Variants in SAMD12 observed in about 807,000 individuals in gnomAD.
SAMD12 encodes the protein sterile alpha motif domain-containing protein 12.
A neutral mutation model predicts 15.0 loss-of-function variants in SAMD12; 9 were observed. The ratio of observed to expected loss-of-function variants is 0.60; its 90% CI spans 0.36 to 1.05. The LOEUF is 1.05. SAMD12 is among the 50% of genes least tolerant of loss of function. SAMD12 has a pLI of 0.01. For synonymous variants in SAMD12, 86 were observed against 90.1 expected (o/e 0.96, Z 0.25); for missense variants, 230 against 234.2 (o/e 0.98, Z 0.12).
exon 5 of SAMD12, chr8:118,189,762 T>C (rs781574333): frequency 2.0e-5 from 3 of 151,488 alleles, no homozygotes; most frequent in Non-Finnish European, 2.9e-5. Flanking sequence ...TGGAAATCGG[T>C]GGTTCAAAAT....
Position 118,379,354 on chromosome 8 carries a change from T to C in SAMD12, c.*63A>G. The C allele has an allele frequency of 6.4e-7, 1 of 1,560,326 alleles. No homozygotes were observed. On this transcript the variant is annotated 3_prime_UTR_variant, in exon 4 of 4. Coordinates refer to ENST00000314727, the MANE Select transcript of SAMD12 (RefSeq NM_207506.3). ...TCAGGTAATTCTGTTTGCTCATCCA[T>C]TACTTATTTGTGCATCCTTCTCCCT...
At chr8:118,541,612 G>A (rs1415783677) in intron 2 of SAMD12, among the ~76,000 whole-genome samples, 2 of 152,104 alleles carry the variant, frequency 1.3e-5, no homozygotes, top group African/African-American at 4.8e-5. Context: ...AGCGGGAAGA[G>A]GCAGAATTTG....
In SAMD12 at chr8:118,590,318, C is replaced by A. The variant is rs561997421; in HGVS notation, c.14-9425G>T. Among the ~76,000 whole-genome samples, 8 of 152,312 alleles carry A rather than the reference C, an allele frequency of 5.3e-5. 1 individual carries two copies. The South Asian group carries it at 1.7e-3, about 32-fold the overall frequency. On this transcript the variant is annotated intron_variant, in intron 1 of 3. Transcript: ENST00000314727. The stretch of plus-strand genomic sequence containing the variant: ...CTCACCAGGCTGCACTTAGGTACCC[C>A]AATACTCCCAGGAGAATGCCATAGA...
At chr8:118,173,119 A>G in the SAMD12 span, among the ~76,000 whole-genome samples, 1 of 152,204 alleles carries the variant, frequency 6.6e-6, no homozygotes, top group Non-Finnish European at 1.5e-5. Context: ...TTCCTGTTGG[A>G]CAAGTGGTAC....
chr8:118,208,987 G>T (rs551749715), intron 4 of SAMD12, among the ~76,000 whole-genome samples: 1 of 152,246 alleles, frequency 6.6e-6, no homozygotes, highest in South Asian at 2.1e-4. Flanking sequence ...ATTAGAAAAG[G>T]CTTCATAAAC....
chr8:118,471,336 G>C (rs1823787880), intron 2 of SAMD12, among the ~76,000 whole-genome samples: 1 of 152,122 alleles, frequency 6.6e-6, no homozygotes, highest in African/African-American at 2.4e-5. Context: ...CAGTTGTAAG[G>C]ACTTTTAGCA....
At chr8:118,354,796 T>C (rs992543582) in intron 4 of SAMD12, among the ~76,000 whole-genome samples, 2 of 152,224 alleles carry the variant, frequency 1.3e-5, no homozygotes, top group Non-Finnish European at 2.9e-5. Flanking sequence ...TATCCTTGTA[T>C]TGTCCTCCAG....
chr8:118,397,942 T>G (rs1270100941), intron 3 of SAMD12, among the ~76,000 whole-genome samples: 1 of 152,100 alleles, frequency 6.6e-6, no homozygotes, highest in Non-Finnish European at 1.5e-5. Context: ...TCAGCACATA[T>G]CACCATGCCT....
chr8:118,610,536 G>A (rs1192595537), intron 1 of SAMD12, among the ~76,000 whole-genome samples: 1 of 152,210 alleles, frequency 6.6e-6, no homozygotes, highest in Non-Finnish European at 1.5e-5. Context: ...TTAGGTGGGA[G>A]AAAAACTCAT....
intron 2 of SAMD12, among the ~76,000 whole-genome samples, chr8:118,548,208 A>G (rs1282323016): frequency 6.6e-6 from 1 of 152,192 alleles, no homozygotes; most frequent in Non-Finnish European, 1.5e-5. Context: ...CAACAGACAA[A>G]AGCTGTAACA....
At chr8:118,544,018 C>T (rs60812036) in intron 2 of SAMD12, among the ~76,000 whole-genome samples, 4,038 of 152,216 alleles carry the variant, frequency 0.027, 177 homozygotes, top group African/African-American at 0.091. Context: ...TATAAGCTCT[C>T]GGGTCTGGTG....
intron 1 of SAMD12, among the ~76,000 whole-genome samples, chr8:118,611,577 C>G (rs916166566): frequency 1.3e-5 from 2 of 152,132 alleles, no homozygotes; most frequent in Non-Finnish European, 2.9e-5. Flanking sequence ...AAACAAACTT[C>G]CAACAAAATC....
chr8:118,445,780 T>C (rs1383971302), intron 2 of SAMD12, among the ~76,000 whole-genome samples: 2 of 152,172 alleles, frequency 1.3e-5, no homozygotes, highest in African/African-American at 4.8e-5. Context: ...TCTCTTCTGA[T>C]AGTATAAGAG....
At chr8:118,612,671 G>A (rs1036905968) in intron 1 of SAMD12, among the ~76,000 whole-genome samples, 1 of 152,144 alleles carries the variant, frequency 6.6e-6, no homozygotes, top group African/African-American at 2.4e-5. Flanking sequence ...TTCTAATACA[G>A]GTAAAACATA....
At chr8:118,563,586 A>G (rs1410054333) in intron 2 of SAMD12, among the ~76,000 whole-genome samples, 4 of 152,166 alleles carry the variant, frequency 2.6e-5, no homozygotes, top group Non-Finnish European at 5.9e-5. Flanking sequence ...CAAACAAAGC[A>G]TTTCCCTCAT....
intron 4 of SAMD12, among the ~76,000 whole-genome samples, chr8:118,355,317 A>G (rs755567931): frequency 1.3e-5 from 2 of 152,238 alleles, no homozygotes; most frequent in Non-Finnish European, 2.9e-5. Context: ...GTTCTCACTC[A>G]TAAGTGGGAG....
In SAMD12 at chr8:118,348,574, G is replaced by A. The variant is rs1047206360; in HGVS notation, c.433+30986C>T. On this transcript the variant is annotated intron_variant, in intron 4 of 4. Coordinates refer to the SAMD12 transcript ENST00000409003. ...TTTTTAGTAGAGACGGGGTTTCACC[G>A]TGTTCGCTAGGATGGTCTTGATCTC... 5.9e-5 allele frequency among the ~76,000 whole-genome samples: 9 copies of A among 152,042 alleles called. No individual in the cohort carries two copies. The East Asian group carries it at 7.7e-4, about 13-fold the overall frequency.
At chr8:118,464,972 G>A (rs987154828) in intron 2 of SAMD12, among the ~76,000 whole-genome samples, 4 of 152,202 alleles carry the variant, frequency 2.6e-5, no homozygotes, top group East Asian at 3.8e-4. Flanking sequence ...TCTTTGTGGA[G>A]TTGAAGCAGA....
At chr8:118,601,810 G>T (rs1586849198) in intron 1 of SAMD12, among the ~76,000 whole-genome samples, 1 of 152,290 alleles carries the variant, frequency 6.6e-6, no homozygotes, top group East Asian at 1.9e-4. Context: ...ATGAAGAACT[G>T]ATGGGTAGAA....
Sources: allele counts gnomAD v4.1 joint callset (sites outside exome capture counted in the v4.1 genomes callset), GRCh38; gene constraint gnomAD v4.1.1; transcripts MANE v1.5; gene names NCBI Gene and HGNC (gene_info 2026-07-23, HGNC 2026-07-21).